The following EFHC2 variants were observed in gnomAD, a reference collection of about 807,000 sequenced individuals.
EFHC2 encodes the protein EF-hand domain containing 2, also known as EF-hand domain-containing family member C2.
A neutral mutation model predicts 52.7 loss-of-function variants in EFHC2; 18 were observed. The ratio of observed to expected loss-of-function variants is 0.34; its 90% CI spans 0.24 to 0.51. The LOEUF (loss-of-function observed/expected upper bound fraction) is 0.51. Ranked by LOEUF, EFHC2 falls within the 20% of genes least tolerant of loss-of-function variation. The pLI is 0.97. For synonymous variants in EFHC2, 203 were observed against 204.1 expected, an observed-to-expected ratio of 0.99 and a Z score of 0.04; for missense variants, 513 against 562.5, an observed-to-expected ratio of 0.91 and a Z score of 0.89.
intron 11 of EFHC2, among the ~76,000 whole-genome samples, chrX:44,227,170 G>A (rs2037239657): frequency 9.0e-6 from 1 of 111,179 alleles, no homozygotes; most frequent in African/African-American, 3.3e-5. Flanking sequence ...CTGATGAGGA[G>A]AGTCAGAATA....
chrX:44,242,356 GGTTT>G, intron 7 of EFHC2, 67 bp from the exon 8 acceptor site: 4 of 1,078,671 alleles, frequency 3.7e-6, no homozygotes, highest in Non-Finnish European at 5.0e-6. Context: ...TGTTTTGAAA[GGTTT>G]GTTATGTTTT....
At position 44,282,881 on chromosome X, in the gene EFHC2, G is replaced by A. The variant is rs891444641; in HGVS notation, c.232-10045C>T. On this transcript the variant is annotated intron_variant, in intron 2 of 14. Coordinates refer to ENST00000420999, the MANE Select transcript of EFHC2 (RefSeq NM_025184.4). ...ACGTGGCTGGGCAGTGAGAAGAGGC[G>A]TGGTAAAGGAGGGGCTGGATGGCCG... Among the ~76,000 whole-genome samples the A allele has an allele frequency of 2.7e-5, 3 of 109,975 alleles. No homozygotes were observed. In the East Asian group the frequency reaches 8.7e-4, roughly 32 times the overall value.
intron 11 of EFHC2, among the ~76,000 whole-genome samples, chrX:44,204,380 T>C (rs750758771): frequency 9.0e-6 from 1 of 111,290 alleles, no homozygotes; most frequent in Non-Finnish European, 1.9e-5. Context: ...CCTAACCAGA[T>C]TGAAATGTCT....
chrX:44,304,037 A>G lies in EFHC2; in HGVS notation c.231+8531T>C, dbSNP rs188969812. ...GTAAATGGGGCTTAACTTCCAGACG[A>G]AAGTCATATAAAAACATTCAGTCAT... is the stretch of plus-strand genomic sequence containing the variant. On this transcript the variant is annotated intron_variant, in intron 2 of 14. Coordinates refer to ENST00000420999, the MANE Select transcript of EFHC2 (RefSeq NM_025184.4). Among the ~76,000 whole-genome samples the G allele has an allele frequency of 3.7e-3, 421 of 112,380 alleles. 1 individual carries two copies. The highest frequency in any genetic ancestry group is 0.014 in the Middle Eastern group (3 of 218).
chrX:44,311,104 C>G (rs945900588), intron 2 of EFHC2, among the ~76,000 whole-genome samples: 2 of 111,707 alleles, frequency 1.8e-5, no homozygotes, highest in Admixed American at 9.5e-5. Flanking sequence ...TAACAGAAAA[C>G]TATGCATAAT....
At position 44,332,794 on chromosome X, in the gene EFHC2, A is replaced by AGGC. The variant is rs752600885; in HGVS notation, c.42+10750_42+10752dup. Among the ~76,000 whole-genome samples, 202 of 111,480 alleles carry AGGC rather than the reference A, an allele frequency of 1.8e-3. 1 individual carries two copies. The highest frequency in any genetic ancestry group is 1.8e-3 in the Non-Finnish European group (93 of 53,100). On this transcript the variant is annotated intron_variant, in intron 1 of 14. Transcript: ENST00000420999. ...CAGCATGGTGCAAGAGGCCACAGAG[A>AGGC]GGCTTTGTGTCACAATTTAGATAGG...
chrX:44,210,144 C>T (rs186962311), intron 11 of EFHC2, among the ~76,000 whole-genome samples: 41 of 111,403 alleles, frequency 3.7e-4, no homozygotes, highest in African/African-American at 1.3e-3. Flanking sequence ...GAAACCGGCC[C>T]CTGGTGCCAA....
intron 1 of EFHC2, among the ~76,000 whole-genome samples, chrX:44,333,724 C>A (rs1222669951): frequency 2.7e-5 from 3 of 109,470 alleles, no homozygotes; most frequent in Admixed American, 9.8e-5. Context: ...AAAAAAAAAA[C>A]AAGATAATTT....
At chrX:44,330,354 G>A (rs181535110) in intron 1 of EFHC2, among the ~76,000 whole-genome samples, 96 of 111,725 alleles carry the variant, frequency 8.6e-4, no homozygotes, top group African/African-American at 3.0e-3. Flanking sequence ...GAAAAAAACC[G>A]ATAAATTAGA....
chrX:44,253,522 C>A (rs777095722), intron 4 of EFHC2, among the ~76,000 whole-genome samples: 2 of 111,572 alleles, frequency 1.8e-5, no homozygotes, highest in South Asian at 7.5e-4. Context: ...TGTAACTGGG[C>A]GGAGTCCACC....
intron 11 of EFHC2, among the ~76,000 whole-genome samples, chrX:44,199,435 CA>C (rs200585811): frequency 9.0e-6 from 1 of 111,457 alleles, no homozygotes; most frequent in African/African-American, 3.3e-5. Flanking sequence ...TCCTTTATAA[CA>C]AAAAAAATTG....
intron 2 of EFHC2, among the ~76,000 whole-genome samples, chrX:44,273,472 T>C (rs188203051): frequency 1.2e-4 from 13 of 112,086 alleles, no homozygotes; most frequent in South Asian, 3.7e-4. Context: ...AATTCAGAGA[T>C]AGTCAAAAAT....
chrX:44,193,209 T>A (rs1471201215), intron 11 of EFHC2, among the ~76,000 whole-genome samples: 1 of 110,565 alleles, frequency 9.0e-6, no homozygotes, highest in African/African-American at 3.3e-5. Context: ...AATCAGAACA[T>A]CTTTAAATCT....
At chrX:44,151,966 T>G (rs1340298541) in intron 14 of EFHC2, among the ~76,000 whole-genome samples, 3 of 111,722 alleles carry the variant, frequency 2.7e-5, no homozygotes, top group Non-Finnish European at 5.6e-5. Context: ...CACTGAAATA[T>G]GAGTCATATA....
intron 2 of EFHC2, among the ~76,000 whole-genome samples, chrX:44,273,749 C>T (rs904810815): frequency 8.9e-6 from 1 of 111,842 alleles, no homozygotes; most frequent in African/African-American, 3.2e-5. Context: ...TTCAGGCTAC[C>T]ATTTCAAGCT....
chrX:44,280,434 C>G (rs1602194362), intron 2 of EFHC2, among the ~76,000 whole-genome samples: 1 of 111,988 alleles, frequency 8.9e-6, no homozygotes, highest in Non-Finnish European at 1.9e-5. Flanking sequence ...AAATATCTAA[C>G]ATAATACTTA....
At chrX:44,298,639 G>GATC (rs2037845034) in intron 2 of EFHC2, among the ~76,000 whole-genome samples, 1 of 110,404 alleles carries the variant, frequency 9.1e-6, no homozygotes, top group African/African-American at 3.3e-5. Flanking sequence ...GAGGCAGGCA[G>GATC]ATCACGAGGT....
At chrX:44,221,668 T>C (rs1185134217) in intron 11 of EFHC2, among the ~76,000 whole-genome samples, 2 of 111,596 alleles carry the variant, frequency 1.8e-5, no homozygotes, top group Non-Finnish European at 3.8e-5. Context: ...CAAAACCAAA[T>C]CTAACAACAG....
At chrX:44,252,636 G>A (rs1276006568) in intron 4 of EFHC2, among the ~76,000 whole-genome samples, 1 of 112,115 alleles carries the variant, frequency 8.9e-6, no homozygotes, top group African/African-American at 3.2e-5. Context: ...AGAAGTAAAT[G>A]TATGAAAGTC....
Sources: gnomAD v4.1 joint callset for allele counts (sites outside exome capture counted in the v4.1 genomes callset) on GRCh38, gnomAD v4.1.1 for gene constraint, MANE v1.5 for transcripts, NCBI Gene and HGNC (gene_info 2026-07-23, HGNC 2026-07-21) for gene names.